KIAA1958: variants seen among roughly 807,000 people sequenced by gnomAD.
The protein encoded by KIAA1958 is uncharacterized protein KIAA1958.
In KIAA1958, 14 loss-of-function variants were observed where a neutral mutation model predicts 47.2. The ratio of observed to expected loss-of-function variants is 0.30; its 90% CI spans 0.20 to 0.46. KIAA1958 has a LOEUF of 0.46. KIAA1958 is among the 20% of genes least tolerant of loss of function. The probability of loss-of-function intolerance (pLI) is 1.00; values close to 1 mark genes in which losing one functional copy is unlikely to be tolerated. For synonymous variants in KIAA1958, 354 were observed against 353.3 expected (o/e 1.00, Z -0.02); for missense variants, 803 against 909.2 (o/e 0.88, Z 1.50).
Position 112,660,062 on chromosome 9 carries a change from G to T in KIAA1958, c.2144G>T (p.Cys715Phe), listed in dbSNP as rs1369451087. The change falls in exon 4 of 4, where the codon TGC (cysteine) becomes TTC (phenylalanine). Residue 715 changes from cysteine (C) to phenylalanine (F), a missense_variant. Physicochemically the swap from Cys to Phe is radical, Grantham distance 205. Around this residue, in one of 2 missense-constraint regions of KIAA1958, gnomAD observed 761 missense variants for 829.3 expected, o/e 0.92. Transcript: ENST00000337530. ...CGGAGGCTTGGCTCCCACAGCTGCT[G>T]CCAGTGAGCCCCCACTGGGGCCCGG... ...VSRRLGSHSC[C>F]Q 1 of 1,612,372 alleles carries T rather than the reference G, an allele frequency of 6.2e-7. No individual in the cohort carries two copies. The highest frequency in any genetic ancestry group is 8.5e-7 in the Non-Finnish European group (1 of 1,179,782).
At chr9:112,578,334 GT>G (rs1376074836) in intron 2 of KIAA1958, among the ~76,000 whole-genome samples, 1 of 152,098 alleles carries the variant, frequency 6.6e-6, no homozygotes, top group African/African-American at 2.4e-5. Flanking sequence ...GAATGACTTG[GT>G]TACGGATGGA....
intron 1 of KIAA1958, among the ~76,000 whole-genome samples, chr9:112,502,066 A>G (rs1267544235): frequency 2.0e-5 from 3 of 152,232 alleles, no homozygotes; most frequent in Non-Finnish European, 4.4e-5. Context: ...TAGCAAAAGT[A>G]TGAAGTGAAA....
intron 1 of KIAA1958, among the ~76,000 whole-genome samples, chr9:112,499,979 C>T (rs1369780062): frequency 1.3e-5 from 2 of 152,038 alleles, no homozygotes; most frequent in East Asian, 1.9e-4. Flanking sequence ...TGAGCCACTG[C>T]GCCCGGCCTC....
chr9:112,574,550 A>G lies in KIAA1958; in HGVS notation c.470A>G (p.Asp157Gly). The G allele has an allele frequency of 6.2e-7, 1 of 1,614,150 alleles. No homozygotes were observed. Among genetic ancestry groups the G allele is most frequent in the Non-Finnish European group, 8.5e-7 (1 of 1,180,014 alleles). ...TGTGAGTCTTCTGTTACAGATGAGGATAGTGACTTTGAACCCCAAACCCAA... is the reference window on the plus strand; with the variant it reads ...TGTGAGTCTTCTGTTACAGATGAGGGTAGTGACTTTGAACCCCAAACCCAA... ...MVCESSVTDE[D>G]SDFEPQTQRP... The change falls in exon 2 of 4, where the codon GAT (aspartate) becomes GGT (glycine). Residue 157 changes from aspartate (D) to glycine (G), a missense_variant. Coordinates refer to ENST00000337530, the MANE Select transcript of KIAA1958 (RefSeq NM_133465.4).
chr9:112,487,410 G>T (rs1833878585), intron 1 of KIAA1958, among the ~76,000 whole-genome samples: 1 of 151,902 alleles, frequency 6.6e-6, no homozygotes, highest in Admixed American at 6.6e-5. Flanking sequence ...CCGCCGCCCG[G>T]CAGCTCGGGT....
chr9:112,501,400 G>A (rs367811690), intron 1 of KIAA1958, among the ~76,000 whole-genome samples: 35 of 151,802 alleles, frequency 2.3e-4, no homozygotes, highest in African/African-American at 8.2e-4. Context: ...CTATAATGGC[G>A]CCGCTGCATT....
chr9:112,623,931 GAC>G (rs1302997758), intron 2 of KIAA1958, among the ~76,000 whole-genome samples: 21 of 152,168 alleles, frequency 1.4e-4, no homozygotes, highest in African/African-American at 4.8e-4. Context: ...ATGTGAGACA[GAC>G]ACTTCTGATC....
chr9:112,641,327 CTT>C (rs1230148640), intron 2 of KIAA1958, among the ~76,000 whole-genome samples: 11 of 101,952 alleles, frequency 1.1e-4, no homozygotes, highest in East Asian at 2.8e-4. Context: ...GAGACTATGT[CTT>C]TTTTTTTTTT....
chr9:112,622,168 G>T (rs1836520573), intron 2 of KIAA1958, among the ~76,000 whole-genome samples: 1 of 152,200 alleles, frequency 6.6e-6, no homozygotes, highest in Non-Finnish European at 1.5e-5. Flanking sequence ...CTGTGGCAGA[G>T]GCAGATGTCA....
At chr9:112,568,573 A>G (rs1564175204) in intron 1 of KIAA1958, among the ~76,000 whole-genome samples, 1 of 152,112 alleles carries the variant, frequency 6.6e-6, no homozygotes, top group Non-Finnish European at 1.5e-5. Context: ...AATACATAGC[A>G]TAGCACATTG....
intron 1 of KIAA1958, among the ~76,000 whole-genome samples, chr9:112,525,985 TTCTTCTTCTTCTTC>T (rs1161866437): frequency 0.045 from 92 of 2,038 alleles, 30 homozygotes; most frequent in African/African-American, 0.36. Context: ...CTTCTTCTTC[TTCTTCTTCTTCTTC>T]TTTTTTTTTT....
intron 2 of KIAA1958, among the ~76,000 whole-genome samples, chr9:112,593,416 T>G (rs1835959162): frequency 6.6e-6 from 1 of 152,148 alleles, no homozygotes. Flanking sequence ...ATGGCAGATT[T>G]AACAGCAGCT....
chr9:112,576,491 A>G (rs1421429455), intron 2 of KIAA1958, among the ~76,000 whole-genome samples: 1 of 152,170 alleles, frequency 6.6e-6, no homozygotes, highest in Non-Finnish European at 1.5e-5. Flanking sequence ...AAGAAATCCC[A>G]TACCCATTAA....
chr9:112,578,027 A>G (rs61320449), intron 2 of KIAA1958, among the ~76,000 whole-genome samples: 16,734 of 152,100 alleles, frequency 0.11, 1,379 homozygotes, highest in East Asian at 0.19. Context: ...GATGGTCCTC[A>G]TATTTTGATC....
In KIAA1958 at chr9:112,663,904, A is replaced by G. The variant is rs1005309753; in HGVS notation, c.*3835A>G. ...ACTCAGCATTTTCATAGACATAGTC[A>G]TTAGGAGAATCTGGACAAAGTAATA... On this transcript the variant is annotated 3_prime_UTR_variant, in exon 4 of 4. Coordinates refer to ENST00000337530, the MANE Select transcript of KIAA1958 (RefSeq NM_133465.4). 62 of 152,278 alleles carry G rather than the reference A, an allele frequency of 4.1e-4. No individual in the cohort carries two copies. The highest frequency in any genetic ancestry group is 1.5e-3 in the African/African-American group (62 of 41,480). 9.4% of individuals were successfully genotyped at this position (152,278 alleles called of 1,614,324 possible). A position where few individuals can be genotyped will look rare whatever the true frequency, so the allele number is the denominator to read the frequency against.
chr9:112,566,130 C>G (rs1260958409), intron 1 of KIAA1958, among the ~76,000 whole-genome samples: 1 of 152,118 alleles, frequency 6.6e-6, no homozygotes, highest in Non-Finnish European at 1.5e-5. Context: ...GTCTTGATCT[C>G]CTGACCTCGT....
At chr9:112,546,584 A>G (rs1396864369) in intron 1 of KIAA1958, among the ~76,000 whole-genome samples, 2 of 152,012 alleles carry the variant, frequency 1.3e-5, no homozygotes, top group Non-Finnish European at 2.9e-5. Context: ...TGGCTCTTGA[A>G]TTCCTTCCTG....
chr9:112,659,498 C>G lies in KIAA1958; in HGVS notation c.1580C>G (p.Ser527Cys). The G allele has an allele frequency of 6.2e-7, 1 of 1,613,568 alleles. No individual in the cohort carries two copies. Among genetic ancestry groups the G allele is most frequent in the Non-Finnish European group, 8.5e-7 (1 of 1,179,756 alleles). The change falls in exon 4 of 4, where the codon TCT (serine) becomes TGT (cysteine). Residue 527 changes from serine to cysteine, a missense_variant. By Grantham distance (112) the Ser-to-Cys change is moderately radical. Coordinates refer to ENST00000337530, the MANE Select transcript of KIAA1958 (RefSeq NM_133465.4). ...LSKAGMSGAR[S>C]RNIVYFSLSD... is the part of the protein sequence containing the mutation. ...AAGGCAGGCATGTCGGGCGCGCGTT[C>G]TCGCAACATCGTCTACTTCTCCCTT...
intron 2 of KIAA1958, among the ~76,000 whole-genome samples, chr9:112,616,624 A>G (rs1036702274): frequency 1.3e-5 from 2 of 152,230 alleles, no homozygotes; most frequent in African/African-American, 4.8e-5. Context: ...TTGCCTCTCA[A>G]CAATCAATAG....
Sources: allele counts gnomAD v4.1 joint callset (sites outside exome capture counted in the v4.1 genomes callset), GRCh38; gene constraint gnomAD v4.1.1; regional missense constraint gnomAD v4.1.1; transcripts MANE v1.5; gene names NCBI Gene and HGNC (gene_info 2026-07-23, HGNC 2026-07-21).